OR1F1: variants seen among roughly 807,000 people sequenced by gnomAD.
OR1F1 encodes olfactory receptor family 1 subfamily F member 1, also known as olfactory receptor 1F1.
For missense variants in OR1F1, 493 were observed against 376.3 expected, an observed-to-expected ratio of 1.31 and a Z score of -2.57; for synonymous variants, 184 against 156.7, an observed-to-expected ratio of 1.17 and a Z score of -1.30.
chr16:3,192,078 A>C, the OR1F1 span, among the ~76,000 whole-genome samples: 2 of 151,970 alleles, frequency 1.3e-5, no homozygotes, highest in African/African-American at 4.8e-5. Context: ...TATTTTTGAG[A>C]CAGAGTCTCG....
the OR1F1 span, among the ~76,000 whole-genome samples, chr16:3,197,416 G>C: frequency 6.6e-6 from 1 of 152,070 alleles, no homozygotes; most frequent in Non-Finnish European, 1.5e-5. Flanking sequence ...TGTCGTTGTT[G>C]GTTTTTTTTT....
chr16:3,196,725 G>A, the OR1F1 span, among the ~76,000 whole-genome samples: 12 of 147,708 alleles, frequency 8.1e-5, no homozygotes, highest in Non-Finnish European at 1.6e-4. Context: ...TTTTGAAATG[G>A]AGTTTCGCTG....
At chr16:3,191,741 C>A in the OR1F1 span, among the ~76,000 whole-genome samples, 2 of 149,826 alleles carry the variant, frequency 1.3e-5, no homozygotes, top group Non-Finnish European at 3.0e-5. Flanking sequence ...AAGGCAGCAC[C>A]GGGACGGGCT....
the OR1F1 span, among the ~76,000 whole-genome samples, chr16:3,194,153 T>C: frequency 6.6e-6 from 1 of 152,196 alleles, no homozygotes; most frequent in African/African-American, 2.4e-5. Context: ...CTCCTCTCTC[T>C]CTAGGATGAG....
rs201584157 is a variant in OR1F1, at chr16:3,204,285, C to T, written c.39C>T (p.Leu13=). 2.2e-5 allele frequency: 35 copies of T among 1,612,700 alleles called. No individual in the cohort carries two copies. The African/African-American group carries it at 4.3e-4, about 20-fold the overall frequency. The change falls in exon 1 of 1, where the codon CTC becomes CTT. Residue 13 remains leucine (L), a synonymous_variant. Transcript: ENST00000304646. ...ACCAGTCGAGTGTCTCCGAGTTCCT[C>T]CTCCTGGGACTCTCCAGGCAGCCCC...
At chr16:3,194,355 A>G in the OR1F1 span, among the ~76,000 whole-genome samples, 3 of 152,202 alleles carry the variant, frequency 2.0e-5, no homozygotes, top group Admixed American at 2.0e-4. Flanking sequence ...CACACGTTCC[A>G]TTTCATAGAA....
the OR1F1 span, chr16:3,188,440 T>G: frequency 6.6e-6 from 1 of 152,204 alleles, no homozygotes; most frequent in African/African-American, 2.4e-5. Context: ...GGGGCATAAA[T>G]TTTTTCTAGG....
At chr16:3,197,724 GGA>G in the OR1F1 span, among the ~76,000 whole-genome samples, 1 of 134,764 alleles carries the variant, frequency 7.4e-6, no homozygotes, top group Non-Finnish European at 1.6e-5. Context: ...AGAGGGAGAA[GGA>G]GAGGGAGAGG....
At chr16:3,194,651 A>C in the OR1F1 span, among the ~76,000 whole-genome samples, 895 of 152,294 alleles carry the variant, frequency 5.9e-3, 6 homozygotes, top group Non-Finnish European at 0.011. Context: ...GAGGGGAGAA[A>C]AAAGATTCTA....
downstream of OR1F1, among the ~76,000 whole-genome samples, chr16:3,205,671 G>T (rs1011092017): frequency 6.6e-6 from 1 of 152,132 alleles, no homozygotes; most frequent in Non-Finnish European, 1.5e-5. Context: ...TCTTACGCCT[G>T]TCTTTACTGC....
downstream of OR1F1, among the ~76,000 whole-genome samples, chr16:3,205,355 A>T (rs559140536): frequency 1.3e-4 from 20 of 152,278 alleles, no homozygotes; most frequent in Admixed American, 1.0e-3. Flanking sequence ...ATGCTCTGTC[A>T]CCCAGGCTGG....
exon 1 of OR1F1, chr16:3,205,128 C>G (rs1343601793): frequency 1.9e-6 from 3 of 1,613,568 alleles, no homozygotes; most frequent in Non-Finnish European, 2.5e-6. Flanking sequence ...GCCTGAGGAA[C>G]AGGTACTTGA....
chr16:3,193,471 G>A, the OR1F1 span, among the ~76,000 whole-genome samples: 1 of 152,254 alleles, frequency 6.6e-6, no homozygotes, highest in South Asian at 2.1e-4. Flanking sequence ...GAAACCACGC[G>A]GGAGAGGATA....
exon 1 of OR1F1, chr16:3,204,717 T>G: frequency 6.2e-7 from 1 of 1,614,106 alleles, no homozygotes; most frequent in South Asian, 1.1e-5. Flanking sequence ...TGAATGTCCT[T>G]CTGCACACCC....
chr16:3,202,061 G>C (rs572576053), upstream of OR1F1, among the ~76,000 whole-genome samples: 2 of 152,138 alleles, frequency 1.3e-5, no homozygotes, highest in Non-Finnish European at 2.9e-5. Flanking sequence ...CCACTGGCTC[G>C]CCCTTGTATT....
At chr16:3,188,511 A>G in the OR1F1 span, 1 of 152,230 alleles carries the variant, frequency 6.6e-6, no homozygotes, top group African/African-American at 2.4e-5. Flanking sequence ...ATTCCAGTTT[A>G]TTCGGAGAAG....
chr16:3,204,690 A>G, exon 1 of OR1F1: 10 of 1,614,106 alleles, frequency 6.2e-6, no homozygotes, highest in Non-Finnish European at 8.5e-6. Context: ...TTGCTGGATT[A>G]TGGGTGGTTG....
At chr16:3,205,167 G>A in exon 1 of OR1F1, 1 of 1,608,430 alleles carries the variant, frequency 6.2e-7, no homozygotes, top group Admixed American at 1.7e-5. Flanking sequence ...TAGTTGGCAG[G>A]GTGGTGTTTT....
upstream of OR1F1, among the ~76,000 whole-genome samples, chr16:3,203,118 G>A (rs1043961867): frequency 2.6e-5 from 4 of 152,318 alleles, no homozygotes; most frequent in Admixed American, 1.3e-4. Flanking sequence ...GTTGCCAAGT[G>A]CTGAGGCAGG....
Sources: gnomAD v4.1 joint callset for allele counts (sites outside exome capture counted in the v4.1 genomes callset) on GRCh38, gnomAD v4.1.1 for gene constraint, MANE v1.5 for transcripts, NCBI Gene and HGNC (gene_info 2026-07-23, HGNC 2026-07-21) for gene names.